The following BMP2K variants were observed in gnomAD, a reference collection of about 807,000 sequenced individuals.
The protein encoded by BMP2K is BMP2 inducible kinase, also known as BMP-2-inducible protein kinase.
BMP2K carries 74 observed loss-of-function variants against 116.0 expected under a neutral mutation model. The observed-to-expected ratio is 0.64, with a 90% CI of 0.53 to 0.77. The LOEUF is 0.77. Among genes scored for constraint, BMP2K ranks in the 30% least tolerant of loss-of-function variants. BMP2K has a pLI of 0.00. For missense variants in BMP2K, 1,365 were observed against 1,403.6 expected (o/e 0.97, Z 0.44); for synonymous variants, 486 against 502.5 (o/e 0.97, Z 0.44).
rs141516284 is a variant in BMP2K at position 78,829,660 on chromosome 4, A to T, written c.297+3505A>T. On this transcript the variant is annotated intron_variant, in intron 2 of 15. Coordinates refer to ENST00000502613, the MANE Select transcript of BMP2K (RefSeq NM_198892.2). ...ATTTATGGCAGCTATAGTCTTAAGA[A>T]ATATATTTTTTAAATAATAAGACTT... Among the ~76,000 whole-genome samples, 1,202 of 152,242 alleles carry T rather than the reference A, an allele frequency of 7.9e-3. 21 individuals are homozygous for T. The highest frequency in any genetic ancestry group is 0.028 in the African/African-American group (1,153 of 41,550).
chr4:78,910,692 T>A lies in BMP2K; in HGVS notation c.2145T>A (p.Ser715Arg), dbSNP rs1409315363. 6.2e-7 allele frequency: 1 copy of A among 1,610,868 alleles called. No individual in the cohort carries two copies. The highest frequency in any genetic ancestry group is 8.5e-7 in the Non-Finnish European group (1 of 1,179,068). Residue 715 changes from serine to arginine, a missense_variant, in exon 16 of 16, where the codon AGT becomes AGA. Physicochemically the swap from Ser to Arg is moderately radical, Grantham distance 110. Around this residue, in one of 3 missense-constraint regions of BMP2K, gnomAD observed 596 missense variants for 623.2 expected, o/e 0.96. Transcript: ENST00000502613. ...TANPIKNGKT[S>R]PASKDQRTGK... is the part of the protein sequence containing the mutation. ...ACCCTATCAAGAACGGTAAAACAAG[T>A]CCAGCATCTAAAGATCAGCGGACTG...
At position 78,776,623 on chromosome 4, in the gene BMP2K, G is replaced by T. The variant is rs1727253923; in HGVS notation, c.80G>T (p.Gly27Val). The part of the protein sequence containing the change: ...GAAGGGAGGA[G>V]AGAGCGSGGS... ...GCGGGTGGCGGGGCTGGCGGGGCCG[G>T]GGCCGGGGCCGGCTGCGGCTCCGGC... is the stretch of plus-strand genomic sequence containing the variant. Residue 27 changes from glycine to valine, a missense_variant, in exon 1 of 16, where the codon GGG (glycine) becomes GTG (valine). Coordinates refer to ENST00000502613, the MANE Select transcript of BMP2K (RefSeq NM_198892.2). 8.3e-7 allele frequency: 1 copy of T among 1,207,368 alleles called. No individual in the cohort carries two copies. The highest frequency in any genetic ancestry group is 1.6e-5 in the African/African-American group (1 of 63,108). The allele number at this position is 1,207,368 out of a possible 1,614,324, so 74.8% of individuals were successfully genotyped here. A position where few individuals can be genotyped will look rare whatever the true frequency, so the allele number is the denominator to read the frequency against.
At chr4:78,855,987 A>G (rs1731488328) in intron 7 of BMP2K, among the ~76,000 whole-genome samples, 1 of 152,104 alleles carries the variant, frequency 6.6e-6, no homozygotes, top group Non-Finnish European at 1.5e-5. Context: ...AAACCTGATC[A>G]CGTAATACTA....
Position 78,850,924 on chromosome 4 carries a change from G to T in BMP2K, c.751G>T (p.Ala251Ser). ...KPITTKADIWALGCLLYKLCF... is the reference protein window; with the variant it reads ...KPITTKADIWSLGCLLYKLCF... ...ATATTTATGCTTCTTTGGTTTACAG[G>T]CACTGGGATGTCTACTCTATAAACT... The change falls in exon 7 of 16, where the codon GCA becomes TCA. Residue 251 changes from alanine (A) to serine (S), a missense_variant and splice_region_variant. By Grantham distance (99) the Ala-to-Ser change is moderately conservative. Transcript: ENST00000502613. 1 of 1,610,890 alleles carries T rather than the reference G, an allele frequency of 6.2e-7. No individual in the cohort carries two copies. Among genetic ancestry groups the T allele is most frequent in the Non-Finnish European group, 8.5e-7 (1 of 1,178,276 alleles).
chr4:78,902,633 A>G (rs1734069003), intron 15 of BMP2K, among the ~76,000 whole-genome samples: 1 of 152,196 alleles, frequency 6.6e-6, no homozygotes, highest in Admixed American at 6.5e-5. Context: ...TTTATCTTCT[A>G]TAATCTGATA....
chr4:78,903,917 G>A (rs1054143383), intron 15 of BMP2K, among the ~76,000 whole-genome samples: 3 of 151,964 alleles, frequency 2.0e-5, no homozygotes, highest in African/African-American at 7.2e-5. Flanking sequence ...ACAGATGAGA[G>A]TTTTAAGCCA....
rs1194435172 is a variant in BMP2K at position 78,861,426 on chromosome 4, C to G, written c.1025C>G (p.Thr342Ser). The change falls in exon 9 of 16, where the codon ACT becomes AGT. Residue 342 changes from threonine to serine, a missense_variant. Physicochemically the swap from Thr to Ser is moderately conservative, Grantham distance 58. This residue lies in a region of BMP2K where 762 missense variants were observed against 756.7 expected (regional missense o/e 1.01). Coordinates refer to ENST00000502613, the MANE Select transcript of BMP2K (RefSeq NM_198892.2). ...CCTTCAGCTCTTCCTGAACCGATGA[C>G]TGCTAGTGAAGCAGCTGCTAGGAAA... The part of the protein sequence containing the change: ...SIPSALPEPM[T>S]ASEAAARKSQ... 33 of 1,609,000 alleles carry G rather than the reference C, an allele frequency of 2.1e-5. No individual in the cohort carries two copies. The highest frequency in any genetic ancestry group is 2.6e-5 in the Non-Finnish European group (31 of 1,176,784).
chr4:78,904,670 T>A (rs1329468949), intron 15 of BMP2K, among the ~76,000 whole-genome samples: 1 of 151,946 alleles, frequency 6.6e-6, no homozygotes, highest in East Asian at 1.9e-4. Flanking sequence ...CATTTTCAGA[T>A]AGTAGAATTC....
rs1353524216 is a variant in BMP2K, at chr4:78,915,586, T to C, written c.*3553T>C. On this transcript the variant is annotated 3_prime_UTR_variant, in exon 16 of 16. Coordinates refer to ENST00000502613, the MANE Select transcript of BMP2K (RefSeq NM_198892.2). ...ATACCATAAATGATGAATAGTTTAT[T>C]TGAGAACTTTTATACTCAGTGGTGT... is the stretch of plus-strand genomic sequence containing the variant. 1 of 151,972 alleles carries C rather than the reference T, an allele frequency of 6.6e-6. No homozygotes were observed. The highest frequency in any genetic ancestry group is 1.5e-5 in the Non-Finnish European group (1 of 67,892). The allele number at this position is 151,972 out of a possible 1,614,324, so 9.4% of individuals were successfully genotyped here.
chr4:78,873,906 G>A (rs902899447), intron 13 of BMP2K, among the ~76,000 whole-genome samples: 2 of 152,094 alleles, frequency 1.3e-5, no homozygotes, highest in African/African-American at 4.8e-5. Context: ...CAGGCAGGGT[G>A]CGGTGGCTCA....
At chr4:78,793,500 T>A (rs115024193) in intron 1 of BMP2K, among the ~76,000 whole-genome samples, 3,542 of 152,126 alleles carry the variant, frequency 0.023, 57 homozygotes, top group Non-Finnish European at 0.034. Context: ...CAGATTTAAT[T>A]TCTAATATAA....
chr4:78,908,216 T>C (rs1192433142), intron 15 of BMP2K, among the ~76,000 whole-genome samples: 1 of 152,196 alleles, frequency 6.6e-6, no homozygotes, highest in Non-Finnish European at 1.5e-5. Context: ...TTCACATACT[T>C]GTCTCCCACA....
chr4:78,782,455 T>A (rs904700147), intron 1 of BMP2K, among the ~76,000 whole-genome samples: 4 of 152,244 alleles, frequency 2.6e-5, no homozygotes, highest in African/African-American at 7.2e-5. Context: ...TTGATTTTTT[T>A]ATTTTTAATC....
chr4:78,915,901 G>T lies in BMP2K; in HGVS notation c.*3868G>T, dbSNP rs1393444955. ...ATTGAAAAGTCATCTAATAGAAGCT[G>T]TATAGAAGCTACTTTTTAATTGCTG... On this transcript the variant is annotated 3_prime_UTR_variant, in exon 16 of 16. Transcript: ENST00000502613. 6.6e-6 allele frequency: 1 copy of T among 151,932 alleles called. No individual in the cohort carries two copies. Among genetic ancestry groups the T allele is most frequent in the Non-Finnish European group, 1.5e-5 (1 of 67,886 alleles). The allele number at this position is 151,932 out of a possible 1,614,324, so 9.4% of individuals were successfully genotyped here.
At chr4:78,827,099 ATTCTAC>A (rs961458870) in intron 2 of BMP2K, among the ~76,000 whole-genome samples, 2 of 152,156 alleles carry the variant, frequency 1.3e-5, no homozygotes, top group African/African-American at 4.8e-5. Context: ...TCAGTTGCCT[ATTCTAC>A]TTCTATATCA....
chr4:78,807,806 A>T (rs1203600819), intron 1 of BMP2K, among the ~76,000 whole-genome samples: 1 of 152,036 alleles, frequency 6.6e-6, no homozygotes, highest in African/African-American at 2.4e-5. Context: ...AAAATTATTT[A>T]CCCTGTAATT....
intron 15 of BMP2K, among the ~76,000 whole-genome samples, chr4:78,901,911 C>T (rs1465348323): frequency 6.6e-6 from 1 of 152,072 alleles, no homozygotes; most frequent in East Asian, 1.9e-4. Context: ...TCCCAAAGAC[C>T]CTAGACCCAC....
In BMP2K at chr4:78,785,754, T is replaced by G. The variant is rs74834279; in HGVS notation, c.178+9033T>G. Among the ~76,000 whole-genome samples the G allele has an allele frequency of 4.5e-3, 692 of 152,322 alleles. 2 individuals are homozygous for G. The highest frequency in any genetic ancestry group is 0.016 in the African/African-American group (655 of 41,560). ...GTGTGGGAAATTGGGTACCTTTTGT[T>G]TCCAATGCTGTCAGCCCTAATTTGG... On this transcript the variant is annotated intron_variant, in intron 1 of 15. Transcript: ENST00000502613.
At chr4:78,852,206 T>G (rs1470311185) in intron 7 of BMP2K, among the ~76,000 whole-genome samples, 1 of 152,006 alleles carries the variant, frequency 6.6e-6, no homozygotes, top group Non-Finnish European at 1.5e-5. Flanking sequence ...GTTTGTAATG[T>G]GAGATGGAAA....
Sources: allele counts gnomAD v4.1 joint callset (sites outside exome capture counted in the v4.1 genomes callset), GRCh38; gene constraint gnomAD v4.1.1; regional missense constraint gnomAD v4.1.1; transcripts MANE v1.5; gene names NCBI Gene and HGNC (gene_info 2026-07-23, HGNC 2026-07-21).